The following GOLT1A variants were observed in gnomAD, a reference collection of about 807,000 sequenced individuals.
GOLT1A encodes vesicle transport protein GOT1A.
In GOLT1A, 10 loss-of-function variants were observed where a neutral mutation model predicts 16.1. The observed-to-expected ratio is 0.62, with a 90% confidence interval of 0.38 to 1.05. GOLT1A has a LOEUF of 1.05. Ranked by LOEUF, GOLT1A falls within the 50% of genes least tolerant of loss-of-function variation. GOLT1A has a pLI of 0.01. For synonymous variants in GOLT1A, 60 were observed against 67.9 expected (o/e 0.88, Z 0.57); for missense variants, 137 against 165.7 (o/e 0.83, Z 0.95).
At chr1:204,212,722 G>C (rs1659157912) in intron 1 of GOLT1A, among the ~76,000 whole-genome samples, 1 of 150,954 alleles carries the variant, frequency 6.6e-6, no homozygotes. Context: ...CACCCAGAAT[G>C]ATCTTTTAAA....
intron 1 of GOLT1A, among the ~76,000 whole-genome samples, chr1:204,205,666 T>C (rs369153061): frequency 1.0e-3 from 155 of 152,378 alleles, no homozygotes; most frequent in African/African-American, 3.6e-3. Context: ...CATAATCATC[T>C]TCTGGGTAGT....
At chr1:204,203,435 G>T (rs990455441) in intron 1 of GOLT1A, among the ~76,000 whole-genome samples, 1 of 152,178 alleles carries the variant, frequency 6.6e-6, no homozygotes, top group African/African-American at 2.4e-5. Flanking sequence ...AGGACCACCA[G>T]CTCCAAAGAG....
At chr1:204,204,536 A>T (rs1445162741) in intron 1 of GOLT1A, among the ~76,000 whole-genome samples, 1 of 152,114 alleles carries the variant, frequency 6.6e-6, no homozygotes, top group Non-Finnish European at 1.5e-5. Flanking sequence ...CATTTTGTTG[A>T]TCCATTCATC....
Position 204,200,299 on chromosome 1 carries a change from G to GTGTATATATA in GOLT1A, c.297-1042_297-1041insTATATATACA. Among the ~76,000 whole-genome samples the GTGTATATATA allele has an allele frequency of 1.9e-4, 16 of 82,674 alleles. 1 individual carries two copies. In the East Asian group the frequency reaches 2.8e-3, roughly 15 times the overall value. 54.2% of individuals were successfully genotyped at this position (82,674 alleles called of 152,430 possible). On this transcript the variant is annotated intron_variant, in intron 3 of 4. Coordinates refer to ENST00000308302, the MANE Select transcript of GOLT1A (RefSeq NM_198447.2). ...GACTGTTTGAAAATGACATATATGT[G>GTGTATATATA]TATATATATATATATATATATGTTT...
intron 3 of GOLT1A, among the ~76,000 whole-genome samples, chr1:204,200,299 G>GTATGTATATATATATATATATATATA (rs1658932763): frequency 1.7e-4 from 14 of 82,678 alleles, no homozygotes; most frequent in Non-Finnish European, 9.4e-5. Context: ...ACATATATGT[G>GTATGTATATATATATATATATATATA]TATATATATA....
rs765260894 is a variant in GOLT1A, at chr1:204,201,707, AC to A, written c.221del (p.Gly74ValfsTer64). The A allele has an allele frequency of 3.1e-6, 5 of 1,613,402 alleles. No homozygotes were observed. Among genetic ancestry groups the A allele is most frequent in the South Asian group, 1.1e-5 (1 of 91,050 alleles). On this transcript the variant is annotated frameshift_variant, in exon 3 of 5. Transcript: ENST00000308302. LOFTEE classifies it high-confidence loss of function. The stretch of plus-strand genomic sequence containing the variant: ...GCCAGCGTAGGAGCACGATAACCAC[AC>A]CCCCCAGGAGGAAGCTGGTTCCCTT... Reference protein sequence around the residue: ...KLKGTSFLLGGVVIVLLRWPL... With the variant: ...KLKGTSFLLGXVVIVLLRWPL...
rs1355316440 is a variant in GOLT1A at position 204,208,503 on chromosome 1, A to ATATATATAT, written c.25+5378_25+5379insATATATATA. Among the ~76,000 whole-genome samples the ATATATATAT allele has an allele frequency of 2.4e-3, 120 of 50,872 alleles. 2 individuals carry two copies. Among genetic ancestry groups the ATATATATAT allele is most frequent in the African/African-American group, 6.2e-3 (76 of 12,292 alleles). 33.4% of individuals were successfully genotyped at this position (50,872 alleles called of 152,430 possible). On this transcript the variant is annotated intron_variant, in intron 1 of 4. Transcript: ENST00000308302. ...ATATATATATATATATATATATATA[A>ATATATATAT]AAAATGAACTACTACTCAGTCACAA...
rs56325605 is a variant in GOLT1A, at chr1:204,205,739, A to G, written c.26-2752T>C. 1.3e-3 allele frequency among the ~76,000 whole-genome samples: 198 copies of G among 152,250 alleles called. 1 individual carries two copies. The highest frequency in any genetic ancestry group is 4.6e-3 in the African/African-American group (193 of 41,556). ...TTAGGATCAATTCCAATACAGAAAAAAGGTCAAAGAGCTTCTTTAAAAGAA... is the reference window on the plus strand; with the variant it reads ...TTAGGATCAATTCCAATACAGAAAAGAGGTCAAAGAGCTTCTTTAAAAGAA... On this transcript the variant is annotated intron_variant, in intron 1 of 4. Transcript: ENST00000308302.
chr1:204,208,476 G>GTGTGTGTGTATATA (rs1286299770), intron 1 of GOLT1A, among the ~76,000 whole-genome samples: 12 of 39,938 alleles, frequency 3.0e-4, no homozygotes, highest in African/African-American at 8.7e-4. Flanking sequence ...GTGTGTGTGT[G>GTGTGTGTGTATATA]TATATATATA....
intron 1 of GOLT1A, among the ~76,000 whole-genome samples, chr1:204,213,295 A>C (rs970950866): frequency 5.3e-5 from 8 of 152,214 alleles, no homozygotes; most frequent in Non-Finnish European, 1.5e-5. Flanking sequence ...GAACAAAAGA[A>C]TGTTGTCACC....
rs983321388 is a variant in GOLT1A, at chr1:204,208,644, G to C, written c.25+5238C>G. On this transcript the variant is annotated intron_variant, in intron 1 of 4. Transcript: ENST00000308302. ...ATCATATGTTTTCACTCACAAGTGG[G>C]AGCTAAGCAATGAGGATGCAAAGGC... 5.2e-4 allele frequency among the ~76,000 whole-genome samples: 79 copies of C among 151,584 alleles called. 1 individual carries two copies. The highest frequency in any genetic ancestry group is 4.9e-3 in the Admixed American group (74 of 15,204).
chr1:204,208,593 A>AGT (rs1324121226), intron 1 of GOLT1A, among the ~76,000 whole-genome samples: 1 of 150,184 alleles, frequency 6.7e-6, no homozygotes, highest in Non-Finnish European at 1.5e-5. Context: ...TTCTAAGTGA[A>AGT]GTGACTCCGG....
At chr1:204,207,511 A>G (rs573361987) in intron 1 of GOLT1A, among the ~76,000 whole-genome samples, 5 of 152,322 alleles carry the variant, frequency 3.3e-5, no homozygotes, top group African/African-American at 1.2e-4. Flanking sequence ...CGATACGGAC[A>G]AGCCAGGCTT....
At position 204,202,929 on chromosome 1, in the gene GOLT1A, C is replaced by T. The variant is rs1658984020; in HGVS notation, c.84G>A (p.Leu28=). The T allele has an allele frequency of 6.2e-7, 1 of 1,614,090 alleles. No individual in the cohort carries two copies. Among genetic ancestry groups the T allele is most frequent in the Non-Finnish European group, 8.5e-7 (1 of 1,179,988 alleles). Residue 28 remains leucine, a synonymous_variant, in exon 2 of 5, where the codon CTG becomes CTA. Coordinates refer to ENST00000308302, the MANE Select transcript of GOLT1A (RefSeq NM_198447.2). ...AGGCCAGGAGCACGGAATCAAAGTACAGGAGTGTTCCAAAGAGGATGAAGA... is the reference window on the plus strand; with the variant it reads ...AGGCCAGGAGCACGGAATCAAAGTATAGGAGTGTTCCAAAGAGGATGAAGA... ...GIFFILFGTL[L]YFDSVLLAFG... is the part of the protein sequence containing the mutation.
In GOLT1A at chr1:204,198,449, C is replaced by T. The variant is rs774815246; in HGVS notation, c.*9G>A. On this transcript the variant is annotated 3_prime_UTR_variant, in exon 5 of 5. Transcript: ENST00000308302. The stretch of plus-strand genomic sequence containing the variant: ...AATGATCCAAGTTCAAGGAGCTCAT[C>T]TCTGTTTTTCAGACCATCGAGCTAG... The T allele has an allele frequency of 6.2e-7, 1 of 1,613,522 alleles. No individual in the cohort carries two copies. Among genetic ancestry groups the T allele is most frequent in the Non-Finnish European group, 8.5e-7 (1 of 1,179,640 alleles).
rs1406585545 is a variant in GOLT1A at position 204,213,924 on chromosome 1, G to T, written c.-18C>A. The T allele has an allele frequency of 6.2e-7, 1 of 1,612,562 alleles. No individual in the cohort carries two copies. Among genetic ancestry groups the T allele is most frequent in the East Asian group, 2.2e-5 (1 of 44,834 alleles). ...GAGATCATGCCGCACTCAGCCTGGGGGGCTTTCCGGGTGGAAGCGGGCAAG... is the reference window on the plus strand; with the variant it reads ...GAGATCATGCCGCACTCAGCCTGGGTGGCTTTCCGGGTGGAAGCGGGCAAG... On this transcript the variant is annotated 5_prime_UTR_variant, in exon 1 of 5. Coordinates refer to ENST00000308302, the MANE Select transcript of GOLT1A (RefSeq NM_198447.2).
chr1:204,199,409 T>C (rs1043336563), intron 3 of GOLT1A, 151 bp from the exon 4 acceptor site: 1 of 663,180 alleles, frequency 1.5e-6, no homozygotes, highest in Non-Finnish European at 2.7e-6. Context: ...CGAGAGACAG[T>C]CGAGTGACAT....
intron 1 of GOLT1A, among the ~76,000 whole-genome samples, chr1:204,207,011 C>G (rs958445858): frequency 2.0e-5 from 3 of 152,238 alleles, no homozygotes; most frequent in African/African-American, 7.2e-5. Context: ...GGACACGAAA[C>G]CCCACAGAAA....
chr1:204,210,752 A>G (rs1659125806), intron 1 of GOLT1A, among the ~76,000 whole-genome samples: 1 of 152,166 alleles, frequency 6.6e-6, no homozygotes, highest in Non-Finnish European at 1.5e-5. Flanking sequence ...CCTCCCTTGT[A>G]TGCTGATGAC....
Sources: allele counts gnomAD v4.1 joint callset (sites outside exome capture counted in the v4.1 genomes callset), GRCh38; gene constraint gnomAD v4.1.1; transcripts MANE v1.5; gene names NCBI Gene and HGNC (gene_info 2026-07-23, HGNC 2026-07-21).